PIP5K1B: variants seen among roughly 807,000 people sequenced by gnomAD.
PIP5K1B encodes phosphatidylinositol 4-phosphate 5-kinase type-1 beta.
A neutral mutation model predicts 67.0 loss-of-function variants in PIP5K1B; 42 were observed. That is an observed-to-expected ratio of 0.63 (90% confidence interval 0.49 to 0.81). The LOEUF (loss-of-function observed/expected upper bound fraction) is 0.81, where lower values mean the gene tolerates loss of function less well. Ranked by LOEUF, PIP5K1B falls within the 30% of genes least tolerant of loss-of-function variation. The pLI, the probability that PIP5K1B is intolerant of heterozygous loss-of-function variation, is 0.00. For synonymous variants in PIP5K1B, 214 were observed against 231.4 expected, an observed-to-expected ratio of 0.92 and a Z score of 0.68; for missense variants, 459 against 646.3, an observed-to-expected ratio of 0.71 and a Z score of 3.14.
intron 2 of PIP5K1B, among the ~76,000 whole-genome samples, chr9:68,764,899 A>G (rs150172304): frequency 6.6e-6 from 1 of 152,236 alleles, no homozygotes; most frequent in East Asian, 1.9e-4. Context: ...GAAGCATTTT[A>G]AGCTAAATAA....
intron 1 of PIP5K1B, among the ~76,000 whole-genome samples, chr9:68,736,853 T>C (rs1003616159): frequency 6.6e-6 from 1 of 152,244 alleles, no homozygotes; most frequent in African/African-American, 2.4e-5. Flanking sequence ...TGTAAAGTAG[T>C]ATATTCACAA....
intron 2 of PIP5K1B, among the ~76,000 whole-genome samples, chr9:68,787,990 T>TA (rs1232996961): frequency 1.3e-5 from 2 of 152,234 alleles, no homozygotes; most frequent in Admixed American, 1.3e-4. Flanking sequence ...CAGCTTTAGA[T>TA]AATTAAAGCC....
At chr9:68,828,652 A>T (rs1462655238) in intron 4 of PIP5K1B, among the ~76,000 whole-genome samples, 7 of 152,222 alleles carry the variant, frequency 4.6e-5, no homozygotes, top group Non-Finnish European at 1.0e-4. Context: ...AGACACTTTG[A>T]TCTAAAAGGA....
At chr9:68,929,387 C>T (rs1177677507) in intron 12 of PIP5K1B, among the ~76,000 whole-genome samples, 5 of 152,108 alleles carry the variant, frequency 3.3e-5, no homozygotes, top group Non-Finnish European at 7.4e-5. Flanking sequence ...CTTCTGGCTC[C>T]ACACCTCATC....
At chr9:68,742,183 C>T (rs41307451) in intron 1 of PIP5K1B, 15 of 152,156 alleles carry the variant, frequency 9.9e-5, no homozygotes, top group Admixed American at 5.9e-4. Flanking sequence ...TACTACATCA[C>T]TAGATGTACT....
At chr9:69,000,359 A>T (rs922046028) in intron 15 of PIP5K1B, among the ~76,000 whole-genome samples, 13 of 152,124 alleles carry the variant, frequency 8.5e-5, no homozygotes, top group Non-Finnish European at 1.6e-4. Context: ...TAAGATAAAA[A>T]TATGTGGGGT....
At chr9:68,861,984 T>A (rs777141067) in intron 4 of PIP5K1B, among the ~76,000 whole-genome samples, 10 of 151,860 alleles carry the variant, frequency 6.6e-5, no homozygotes, top group Non-Finnish European at 1.3e-4. Context: ...GGATCTTAAA[T>A]AAAAGGGCAT....
At chr9:68,901,779 C>A (rs1480834521) in intron 8 of PIP5K1B, among the ~76,000 whole-genome samples, 1 of 152,130 alleles carries the variant, frequency 6.6e-6, no homozygotes, top group African/African-American at 2.4e-5. Context: ...TCCTAAGAAA[C>A]AGTAAAAGAA....
At chr9:68,905,556 A>G (rs1212025731) in intron 8 of PIP5K1B, among the ~76,000 whole-genome samples, 1 of 152,182 alleles carries the variant, frequency 6.6e-6, no homozygotes, top group Admixed American at 6.5e-5. Flanking sequence ...CATATTTGAG[A>G]GTTTCCAAGG....
At chr9:68,744,407 T>C (rs1034852770) in intron 2 of PIP5K1B, among the ~76,000 whole-genome samples, 3 of 152,242 alleles carry the variant, frequency 2.0e-5, no homozygotes, top group African/African-American at 7.2e-5. Context: ...GATGAAAACA[T>C]ATCACGTGGC....
At chr9:68,851,396 G>T (rs916503372) in intron 4 of PIP5K1B, among the ~76,000 whole-genome samples, 1 of 152,200 alleles carries the variant, frequency 6.6e-6, no homozygotes, top group Non-Finnish European at 1.5e-5. Context: ...CACATGGAGT[G>T]TTCGTGCCAG....
In PIP5K1B at chr9:68,858,607, G is replaced by C. The variant is rs149918992; in HGVS notation, c.70-5230G>C. Among the ~76,000 whole-genome samples the C allele has an allele frequency of 4.0e-3, 613 of 152,280 alleles. 1 individual carries two copies. Among genetic ancestry groups the C allele is most frequent in the Non-Finnish European group, 6.6e-3 (447 of 68,024 alleles). On this transcript the variant is annotated intron_variant, in intron 4 of 15. Coordinates refer to ENST00000265382, the MANE Select transcript of PIP5K1B (RefSeq NM_003558.4). Reference sequence around the variant, plus strand: ...TAGGCTTCCAGTGTTAAGCTAAGGGGTTTGGACTTAATCCTCCAGGGAGGG... The same window carrying C: ...TAGGCTTCCAGTGTTAAGCTAAGGGCTTTGGACTTAATCCTCCAGGGAGGG...
At chr9:68,825,062 T>C (rs909694922) in intron 4 of PIP5K1B, among the ~76,000 whole-genome samples, 2 of 152,260 alleles carry the variant, frequency 1.3e-5, no homozygotes, top group Admixed American at 6.5e-5. Flanking sequence ...ATTTGAGCAT[T>C]ATTATTAAAC....
intron 2 of PIP5K1B, among the ~76,000 whole-genome samples, chr9:68,803,434 G>C (rs1040985022): frequency 1.3e-5 from 2 of 152,154 alleles, no homozygotes; most frequent in African/African-American, 2.4e-5. Context: ...GAACATTTAA[G>C]AAACAGTCAA....
chr9:68,715,592 C>G (rs925615922), intron 1 of PIP5K1B, among the ~76,000 whole-genome samples: 3 of 152,210 alleles, frequency 2.0e-5, no homozygotes, highest in Non-Finnish European at 4.4e-5. Flanking sequence ...AGGGCTTCAA[C>G]AGTATGATTA....
At position 68,917,758 on chromosome 9, in the gene PIP5K1B, A is replaced by G. The variant is rs762658921; in HGVS notation, c.982A>G (p.Thr328Ala). The G allele has an allele frequency of 1.2e-6, 2 of 1,611,680 alleles. No homozygotes were observed. The highest frequency in any genetic ancestry group is 1.7e-6 in the Non-Finnish European group (2 of 1,178,044). ...GDGIITENPD[T>A]MGGIPAKSHR... ...TGGGATAATCACAGAGAACCCAGAC[A>G]CGTAAGTGCAGCCACACACCTACCC... The change falls in exon 9 of 16, where the codon ACA becomes GCA. Residue 328 changes from threonine (T) to alanine (A), a missense_variant and splice_region_variant. By Grantham distance (58) the Thr-to-Ala change is moderately conservative (BLOSUM62 0). This residue lies in a region of PIP5K1B where 290 missense variants were observed against 474.4 expected (regional missense o/e 0.61). Transcript: ENST00000265382.
At chr9:68,993,090 A>G (rs1375005339) in intron 15 of PIP5K1B, among the ~76,000 whole-genome samples, 1 of 151,214 alleles carries the variant, frequency 6.6e-6, no homozygotes, top group Non-Finnish European at 1.5e-5. Context: ...TGAACCCGGG[A>G]GGCGGAGCTT....
intron 4 of PIP5K1B, among the ~76,000 whole-genome samples, chr9:68,842,702 G>T (rs1276265091): frequency 1.3e-5 from 2 of 152,170 alleles, no homozygotes; most frequent in Admixed American, 6.5e-5. Context: ...GGAGGAAGTG[G>T]TGCTACAGGC....
At chr9:68,941,047 T>A in intron 14 of PIP5K1B, 3 of 573,778 alleles carry the variant, frequency 5.2e-6, no homozygotes, top group Non-Finnish European at 9.9e-6. Context: ...AGAAGACAAA[T>A]CTTTCATCAT....
Sources: allele counts gnomAD v4.1 joint callset (sites outside exome capture counted in the v4.1 genomes callset), GRCh38; gene constraint gnomAD v4.1.1; regional missense constraint gnomAD v4.1.1; transcripts MANE v1.5; gene names NCBI Gene and HGNC (gene_info 2026-07-23, HGNC 2026-07-21).